Variants in ITGB8 observed in about 807,000 individuals in gnomAD.
The protein encoded by ITGB8 is integrin subunit beta 8.
A neutral mutation model predicts 89.5 loss-of-function variants in ITGB8; 30 were observed. The ratio of observed to expected loss-of-function variants is 0.34; its 90% CI spans 0.25 to 0.45. The LOEUF is 0.45. ITGB8 is among the 20% of genes least tolerant of loss of function. The pLI is 1.00. For missense variants in ITGB8, 836 were observed against 933.3 expected, an observed-to-expected ratio of 0.90 and a Z score of 1.36; for synonymous variants, 335 against 320.4, an observed-to-expected ratio of 1.05 and a Z score of -0.49.
chr7:20,406,430 G>T (rs1465943464), intron 12 of ITGB8, among the ~76,000 whole-genome samples: 1 of 151,916 alleles, frequency 6.6e-6, no homozygotes, highest in African/African-American at 2.4e-5. Flanking sequence ...GGCACCTGTA[G>T]TCCCACCTAC....
chr7:20,342,270 A>G (rs2128127759), intron 1 of ITGB8, among the ~76,000 whole-genome samples: 1 of 152,342 alleles, frequency 6.6e-6, no homozygotes, highest in East Asian at 1.9e-4. Context: ...GATCTTTGTT[A>G]GGGCTCTGTA....
intron 1 of ITGB8, among the ~76,000 whole-genome samples, chr7:20,363,099 C>A (rs768031711): frequency 4.6e-5 from 7 of 152,196 alleles, no homozygotes; most frequent in Admixed American, 2.6e-4. Flanking sequence ...AAGCCAAAAT[C>A]ATCAATATTA....
chr7:20,370,421 A>T (rs1004400636), intron 3 of ITGB8, among the ~76,000 whole-genome samples: 4 of 151,422 alleles, frequency 2.6e-5, no homozygotes, highest in Non-Finnish European at 4.4e-5. Flanking sequence ...TTAAAAAGTT[A>T]TAAATGTTTA....
At chr7:20,371,509 T>C (rs971049556) in intron 3 of ITGB8, among the ~76,000 whole-genome samples, 5 of 152,160 alleles carry the variant, frequency 3.3e-5, no homozygotes, top group Admixed American at 1.3e-4. Flanking sequence ...ACCTAGAATG[T>C]AAACTGTTTA....
At position 20,337,022 on chromosome 7, in the gene ITGB8, C is replaced by T. The variant is rs897461377; in HGVS notation, c.127+5089C>T. Among the ~76,000 whole-genome samples the T allele has an allele frequency of 2.0e-5, 3 of 152,184 alleles. No homozygotes were observed. The South Asian group carries it at 6.2e-4, about 32-fold the overall frequency. Reference sequence around the variant, plus strand: ...CTTGTTTCTGTTTTCCCAGACCATACCAGAAAGCAGTCTCTTGACCTTCTG... The same window carrying T: ...CTTGTTTCTGTTTTCCCAGACCATATCAGAAAGCAGTCTCTTGACCTTCTG... On this transcript the variant is annotated intron_variant, in intron 1 of 13. Transcript: ENST00000222573.
At chr7:20,368,545 G>C (rs751694782) in intron 3 of ITGB8, among the ~76,000 whole-genome samples, 1 of 151,930 alleles carries the variant, frequency 6.6e-6, no homozygotes, top group Admixed American at 6.6e-5. Flanking sequence ...TGTGTAATTT[G>C]TGTCTCCATA....
At chr7:20,360,841 T>C (rs1336700710) in intron 1 of ITGB8, among the ~76,000 whole-genome samples, 4 of 150,298 alleles carry the variant, frequency 2.7e-5, no homozygotes, top group African/African-American at 7.3e-5. Flanking sequence ...ATATGATGAC[T>C]TCTTTTCCTT....
chr7:20,355,087 C>G (rs1466375042), intron 1 of ITGB8, among the ~76,000 whole-genome samples: 1 of 152,204 alleles, frequency 6.6e-6, no homozygotes, highest in Non-Finnish European at 1.5e-5. Context: ...GTCACTTTCT[C>G]AAAGGAATTG....
At chr7:20,382,738 A>G (rs1041871429) in intron 6 of ITGB8, among the ~76,000 whole-genome samples, 1 of 152,176 alleles carries the variant, frequency 6.6e-6, no homozygotes, top group East Asian at 1.9e-4. Flanking sequence ...ACAACTTAGT[A>G]TCTCCTTAAA....
rs530704487 is a variant in ITGB8, at chr7:20,353,824, C to T, written c.128-9813C>T. ...GCGCGCGCCTGTAGTCCCAGCTACA[C>T]GGGAGGCTGAGGCAGGAGAATGGCG... is the stretch of plus-strand genomic sequence containing the variant. On this transcript the variant is annotated intron_variant, in intron 1 of 13. Coordinates refer to ENST00000222573, the MANE Select transcript of ITGB8 (RefSeq NM_002214.3). 4.3e-3 allele frequency among the ~76,000 whole-genome samples: 605 copies of T among 141,052 alleles called. 21 individuals are homozygous for T. The highest frequency in any genetic ancestry group is 0.015 in the African/African-American group (571 of 37,058). 92.5% of individuals were successfully genotyped at this position (141,052 alleles called of 152,430 possible).
At chr7:20,339,050 GAT>G (rs2128126367) in intron 1 of ITGB8, among the ~76,000 whole-genome samples, 1 of 152,114 alleles carries the variant, frequency 6.6e-6, no homozygotes, top group Non-Finnish European at 1.5e-5. Flanking sequence ...AAATTAGCTG[GAT>G]GTGGTTGCAC....
At chr7:20,367,756 C>T (rs1785760603) in intron 3 of ITGB8, among the ~76,000 whole-genome samples, 1 of 152,152 alleles carries the variant, frequency 6.6e-6, no homozygotes, top group African/African-American at 2.4e-5. Context: ...GTGATGGCCC[C>T]TGAGATTAGT....
rs1485775863 is a variant in ITGB8 at position 20,412,812 on chromosome 7, A to T, written c.*2815A>T. ...ATATTTGACTAGTTAGAATTAATTAAATGGTAAGGGAACACAGGGTACTCT... is the reference window on the plus strand; with the variant it reads ...ATATTTGACTAGTTAGAATTAATTATATGGTAAGGGAACACAGGGTACTCT... On this transcript the variant is annotated 3_prime_UTR_variant, in exon 14 of 14. Coordinates refer to ENST00000222573, the MANE Select transcript of ITGB8 (RefSeq NM_002214.3). 1 of 152,620 alleles carries T rather than the reference A, an allele frequency of 6.6e-6. No individual in the cohort carries two copies. The highest frequency in any genetic ancestry group is 1.5e-5 in the Non-Finnish European group (1 of 68,018). 9.5% of individuals were successfully genotyped at this position (152,620 alleles called of 1,614,324 possible). A position where few individuals can be genotyped will look rare whatever the true frequency, so the allele number is the denominator to read the frequency against.
intron 7 of ITGB8, among the ~76,000 whole-genome samples, chr7:20,393,917 T>A (rs1198216997): frequency 1.3e-5 from 2 of 152,234 alleles, no homozygotes; most frequent in African/African-American, 4.8e-5. Flanking sequence ...ATCTCTATTG[T>A]TTCACGTGTT....
chr7:20,346,873 T>G (rs1458592979), intron 1 of ITGB8: 1 of 984,344 alleles, frequency 1.0e-6, no homozygotes, highest in African/African-American at 1.7e-5. Flanking sequence ...GCAGGTAGAT[T>G]TGTTAGAACT....
In ITGB8 at chr7:20,406,082, A is replaced by G; in HGVS notation, c.1934A>G (p.His645Arg). 1 of 1,608,756 alleles carries G rather than the reference A, an allele frequency of 6.2e-7. No homozygotes were observed. Among genetic ancestry groups the G allele is most frequent in the Non-Finnish European group, 8.5e-7 (1 of 1,175,238 alleles). ...KENWNCMQCL[H>R]PHNLSQAILD... is the part of the protein sequence containing the mutation. ...TGCAGGAATTGTATGCAATGCCTTCACCCTCACAATTTGTCTCAGGCTATA... is the reference window on the plus strand; with the variant it reads ...TGCAGGAATTGTATGCAATGCCTTCGCCCTCACAATTTGTCTCAGGCTATA... The change falls in exon 12 of 14, where the codon CAC becomes CGC. Residue 645 changes from histidine to arginine, a missense_variant. Physicochemically the swap from His to Arg is conservative, Grantham distance 29. This residue lies in a region of ITGB8 where 422 missense variants were observed against 416.9 expected (regional missense o/e 1.01). Coordinates refer to ENST00000222573, the MANE Select transcript of ITGB8 (RefSeq NM_002214.3).
rs942344266 is a variant in ITGB8, at chr7:20,346,759, C to T, written c.127+14826C>T. 1.9e-5 allele frequency: 19 copies of T among 984,908 alleles called. No individual in the cohort carries two copies. In the Admixed American group the frequency reaches 6.8e-4, roughly 35 times the overall value. The allele number at this position is 984,908 out of a possible 1,614,324, so 61.0% of individuals were successfully genotyped here. On this transcript the variant is annotated intron_variant, in intron 1 of 13. Coordinates refer to ENST00000222573, the MANE Select transcript of ITGB8 (RefSeq NM_002214.3). ...TGCCTGAGAAGTATATAACACCTGACGATTATACCTGAAGGGGGCTCCACA... is the reference window on the plus strand; with the variant it reads ...TGCCTGAGAAGTATATAACACCTGATGATTATACCTGAAGGGGGCTCCACA...
rs367806081 is a variant in ITGB8, at chr7:20,410,197, C to G, written c.*200C>G. The G allele has an allele frequency of 3.2e-5, 18 of 567,392 alleles. No homozygotes were observed. The highest frequency in any genetic ancestry group is 2.8e-4 in the East Asian group (9 of 32,302). The allele number at this position is 567,392 out of a possible 1,614,324, so 35.1% of individuals were successfully genotyped here. A position where few individuals can be genotyped will look rare whatever the true frequency, so the allele number is the denominator to read the frequency against. ...CTGACTTTTTCAGAGAAAAATGTGT[C>G]TTACTACTGTTTGAGACTAGTGTCG... On this transcript the variant is annotated 3_prime_UTR_variant, in exon 14 of 14. Coordinates refer to ENST00000222573, the MANE Select transcript of ITGB8 (RefSeq NM_002214.3).
chr7:20,405,959 T>C (rs1787522884), intron 11 of ITGB8, 103 bp from the exon 12 acceptor site: 1 of 672,918 alleles, frequency 1.5e-6, no homozygotes, highest in Non-Finnish European at 2.6e-6. Flanking sequence ...AAAATTTGAA[T>C]TGTTTCTGCA....
Sources: gnomAD v4.1 joint callset for allele counts (sites outside exome capture counted in the v4.1 genomes callset) on GRCh38, gnomAD v4.1.1 for gene constraint, gnomAD v4.1.1 regional missense constraint, MANE v1.5 for transcripts, NCBI Gene and HGNC (gene_info 2026-07-23, HGNC 2026-07-21) for gene names.